The following C21orf58 variants were observed in gnomAD, a reference collection of about 807,000 sequenced individuals.
The protein encoded by C21orf58 is uncharacterized protein C21orf58.
In C21orf58, 34 loss-of-function variants were observed where a neutral mutation model predicts 35.8. That is an observed-to-expected ratio of 0.95 (90% confidence interval 0.72 to 1.26). The LOEUF is 1.26. Among genes scored for constraint, C21orf58 ranks in the 50% most tolerant of loss-of-function variants. The probability of loss-of-function intolerance (pLI) is 0.00; values close to 1 mark genes in which losing one functional copy is unlikely to be tolerated. For synonymous variants in C21orf58, 191 were observed against 175.8 expected (o/e 1.09, Z -0.68); for missense variants, 440 against 414.3 (o/e 1.06, Z -0.54).
At chr21:46,316,172 C>G (rs1047288903) in intron 3 of C21orf58, among the ~76,000 whole-genome samples, 1 of 151,814 alleles carries the variant, frequency 6.6e-6, no homozygotes, top group African/African-American at 2.4e-5. Flanking sequence ...AAAAAAAAAT[C>G]TGGCCAGGTG....
chr21:46,313,665 G>A (rs1029172862), intron 5 of C21orf58, among the ~76,000 whole-genome samples: 1 of 152,182 alleles, frequency 6.6e-6, no homozygotes, highest in Non-Finnish European at 1.5e-5. Context: ...TTCTGGTGCT[G>A]GAAGACAGGA....
chr21:46,321,208 G>A (rs1303742424), intron 1 of C21orf58, among the ~76,000 whole-genome samples: 2 of 151,812 alleles, frequency 1.3e-5, no homozygotes, highest in East Asian at 1.9e-4. Context: ...TCGCTGCGAC[G>A]CCCAGGCTAG....
intron 7 of C21orf58, 147 bp downstream of exon 7, chr21:46,302,338 C>G: frequency 8.8e-7 from 1 of 1,137,442 alleles, no homozygotes; most frequent in Non-Finnish European, 1.2e-6. Context: ...TGGGCTGGGA[C>G]TCGATGGGGA....
rs569475471 is a variant in C21orf58 at position 46,301,417 on chromosome 21, G to C, written c.*582C>G. 6 of 948,810 alleles carry C rather than the reference G, an allele frequency of 6.3e-6. No individual in the cohort carries two copies. In the African/African-American group the frequency reaches 1.1e-4, roughly 17 times the overall value. 58.8% of individuals were successfully genotyped at this position (948,810 alleles called of 1,614,324 possible). A position where few individuals can be genotyped will look rare whatever the true frequency, so the allele number is the denominator to read the frequency against. ...CTGCCTCAGCCTCTTAAAGTGCTGG[G>C]ATTACAGGCATGAGCCATGCACCCC... is the stretch of plus-strand genomic sequence containing the variant. On this transcript the variant is annotated 3_prime_UTR_variant, in exon 8 of 8. Transcript: ENST00000291691.
intron 1 of C21orf58, chr21:46,320,526 A>C (rs1299175984): frequency 6.6e-6 from 1 of 151,926 alleles, no homozygotes; most frequent in Non-Finnish European, 1.5e-5. Flanking sequence ...AAAAAAAAAA[A>C]AAAAAAAAAA....
At chr21:46,311,101 A>G (rs1262291224) in intron 6 of C21orf58, among the ~76,000 whole-genome samples, 1 of 151,700 alleles carries the variant, frequency 6.6e-6, no homozygotes, top group African/African-American at 2.4e-5. Context: ...CGAACTCTTG[A>G]CCTCAGGTAA....
chr21:46,306,234 C>T (rs1468727616), intron 6 of C21orf58, among the ~76,000 whole-genome samples: 3 of 152,138 alleles, frequency 2.0e-5, no homozygotes, highest in East Asian at 3.9e-4. Flanking sequence ...TAGGGCCGGG[C>T]ATGGTGGCTC....
intron 1 of C21orf58, among the ~76,000 whole-genome samples, chr21:46,322,228 A>G (rs1379717343): frequency 6.6e-6 from 1 of 151,998 alleles, no homozygotes; most frequent in Non-Finnish European, 1.5e-5. Context: ...TTGAGGCTGC[A>G]ATGAGCGGTG....
Position 46,315,529 on chromosome 21 carries a change from T to A in C21orf58, c.389A>T (p.Asp130Val). 1 of 1,611,208 alleles carries A rather than the reference T, an allele frequency of 6.2e-7. No homozygotes were observed. The highest frequency in any genetic ancestry group is 1.7e-5 in the Admixed American group (1 of 60,010). The part of the protein sequence containing the change: ...HLEPGNEDRP[D>V]DALQTALKRR... ...CTTCAGAGCAGTCTGCAGGGCATCGTCCGGCCGGTCCTCATTTCCTGGAGG... is the reference window on the plus strand; with the variant it reads ...CTTCAGAGCAGTCTGCAGGGCATCGACCGGCCGGTCCTCATTTCCTGGAGG... The change falls in exon 4 of 8, where the codon GAC becomes GTC. Residue 130 changes from aspartate (D) to valine (V), a missense_variant. Transcript: ENST00000291691.
intron 7 of C21orf58, 144 bp from the exon 8 acceptor site, chr21:46,302,298 C>A: frequency 2.2e-6 from 3 of 1,365,644 alleles, no homozygotes; most frequent in Non-Finnish European, 2.9e-6. Context: ...GCTCCTCCCC[C>A]GCCCCAAATT....
intron 6 of C21orf58, among the ~76,000 whole-genome samples, chr21:46,309,102 T>G (rs1205354787): frequency 6.6e-6 from 1 of 152,132 alleles, no homozygotes; most frequent in Non-Finnish European, 1.5e-5. Context: ...GTGGATCACC[T>G]GAGGTCAGGA....
In C21orf58 at chr21:46,314,879, T is replaced by G; in HGVS notation, c.446A>C (p.Glu149Ala). The part of the protein sequence containing the change: ...RRRDLLQRLR[E>A]QHLLDELSRA... ...AGAGAGCTCGTCCAGGAGGTGTTGT[T>G]CCTGCAAGGCCGATGCAGAGCTGCT... The change falls in exon 5 of 8, where the codon GAA becomes GCA. Residue 149 changes from glutamate to alanine, a missense_variant and splice_region_variant. Coordinates refer to ENST00000291691, the MANE Select transcript of C21orf58 (RefSeq NM_058180.5). 6.5e-7 allele frequency: 1 copy of G among 1,550,354 alleles called. No individual in the cohort carries two copies. The highest frequency in any genetic ancestry group is 8.7e-7 in the Non-Finnish European group (1 of 1,146,918).
chr21:46,308,130 A>T (rs2082505857), intron 6 of C21orf58, among the ~76,000 whole-genome samples: 1 of 150,972 alleles, frequency 6.6e-6, no homozygotes, highest in Non-Finnish European at 1.5e-5. Context: ...AGCAGCTGGG[A>T]CTACAGGCAT....
At chr21:46,303,757 T>TA (rs1451097186) in intron 6 of C21orf58, among the ~76,000 whole-genome samples, 3,546 of 82,198 alleles carry the variant, frequency 0.043, 322 homozygotes, top group Non-Finnish European at 0.071. Context: ...TTTTTTTTTT[T>TA]TTTTTTTTTT....
chr21:46,316,864 C>T (rs1054752638), intron 3 of C21orf58, among the ~76,000 whole-genome samples: 10 of 152,220 alleles, frequency 6.6e-5, no homozygotes, highest in African/African-American at 2.4e-4. Context: ...AGCAGCTCCT[C>T]CCCAACCAAT....
At chr21:46,322,397 C>G in intron 1 of C21orf58, 1 of 980,832 alleles carries the variant, frequency 1.0e-6, no homozygotes, top group Non-Finnish European at 1.2e-6. Context: ...ACAGTCTAGG[C>G]AAACCTGGGC....
At chr21:46,312,878 C>T in intron 5 of C21orf58, 1 of 472,402 alleles carries the variant, frequency 2.1e-6, no homozygotes, top group Non-Finnish European at 2.8e-6. Flanking sequence ...TTACTGTCCT[C>T]CATCATATAC....
chr21:46,302,298 C>G, intron 7 of C21orf58, 144 bp from the exon 8 acceptor site: 1 of 1,365,644 alleles, frequency 7.3e-7, no homozygotes, highest in Non-Finnish European at 9.8e-7. Context: ...GCTCCTCCCC[C>G]GCCCCAAATT....
At chr21:46,315,152 A>G in intron 4 of C21orf58, 1 of 811,136 alleles carries the variant, frequency 1.2e-6, no homozygotes, top group Non-Finnish European at 1.9e-6. Context: ...ACTTTTTTCT[A>G]GGTCTCCCCC....
Sources: allele counts gnomAD v4.1 joint callset (sites outside exome capture counted in the v4.1 genomes callset), GRCh38; gene constraint gnomAD v4.1.1; transcripts MANE v1.5; gene names NCBI Gene and HGNC (gene_info 2026-07-23, HGNC 2026-07-21).